Variants in ZBTB16 observed in about 807,000 individuals in gnomAD.
The protein encoded by ZBTB16 is zinc finger and BTB domain-containing protein 16.
In ZBTB16, 8 loss-of-function variants were observed where a neutral mutation model predicts 56.8. The observed-to-expected ratio is 0.14, with a 90% CI of 0.08 to 0.25. The LOEUF (loss-of-function observed/expected upper bound fraction) is 0.25. Ranked by LOEUF, ZBTB16 falls within the 10% of genes least tolerant of loss-of-function variation. ZBTB16 has a pLI of 1.00. For missense variants in ZBTB16, 625 were observed against 903.0 expected (o/e 0.69, Z 3.95); for synonymous variants, 363 against 368.5 (o/e 0.98, Z 0.17).
At chr11:114,154,073 A>T (rs1384358135) in intron 2 of ZBTB16, among the ~76,000 whole-genome samples, 1 of 152,184 alleles carries the variant, frequency 6.6e-6, no homozygotes, top group Non-Finnish European at 1.5e-5. Context: ...TCATACCTAG[A>T]GAAAAGGCAG....
At chr11:114,132,820 T>A (rs2134866354) in intron 2 of ZBTB16, among the ~76,000 whole-genome samples, 1 of 151,996 alleles carries the variant, frequency 6.6e-6, no homozygotes, top group Non-Finnish European at 1.5e-5. Flanking sequence ...CTAAATGGAG[T>A]TGTGGGTGTA....
At chr11:114,199,528 T>C (rs3782004) in intron 4 of ZBTB16, among the ~76,000 whole-genome samples, 28,926 of 151,836 alleles carry the variant, frequency 0.19, 2,765 homozygotes, top group East Asian at 0.22. Context: ...CAGATTACCA[T>C]TGGGGATGTG....
intron 4 of ZBTB16, among the ~76,000 whole-genome samples, chr11:114,240,536 C>T (rs1028381066): frequency 6.6e-6 from 1 of 151,170 alleles, no homozygotes; most frequent in Non-Finnish European, 1.5e-5. Flanking sequence ...CAGGGGACAG[C>T]GGTGTGGGGC....
At chr11:114,151,249 G>T (rs900856838) in intron 2 of ZBTB16, among the ~76,000 whole-genome samples, 1 of 152,132 alleles carries the variant, frequency 6.6e-6, no homozygotes, top group South Asian at 2.1e-4. Context: ...CAAAGCATTG[G>T]GGTGACTTTT....
chr11:114,124,570 A>AAAACAAAAAAAAAAAAC (rs1565638154), intron 2 of ZBTB16, among the ~76,000 whole-genome samples: 2 of 146,580 alleles, frequency 1.4e-5, no homozygotes, highest in Admixed American at 6.8e-5. Flanking sequence ...AAAAAAAAAA[A>AAAACAAAAAAAAAAAAC]AACAAAAACA....
intron 4 of ZBTB16, among the ~76,000 whole-genome samples, chr11:114,219,236 C>T (rs1041960440): frequency 6.6e-6 from 1 of 152,120 alleles, no homozygotes; most frequent in Non-Finnish European, 1.5e-5. Context: ...GTCAGAGTTC[C>T]CTTTTTTCAT....
intron 3 of ZBTB16, among the ~76,000 whole-genome samples, chr11:114,167,505 G>A (rs1158213505): frequency 6.7e-6 from 1 of 149,040 alleles, no homozygotes; most frequent in African/African-American, 2.5e-5. Flanking sequence ...CCTTTGATGT[G>A]GTAAATGGAA....
chr11:114,128,524 C>A (rs564934606), intron 2 of ZBTB16, among the ~76,000 whole-genome samples: 1 of 152,098 alleles, frequency 6.6e-6, no homozygotes, highest in Non-Finnish European at 1.5e-5. Flanking sequence ...TGCGAAATGG[C>A]GGGTAAAAAC....
At position 114,201,459 on chromosome 11, in the gene ZBTB16, G is replaced by GC. The variant is rs556187361; in HGVS notation, c.1453+14425dup. 2.7e-3 allele frequency among the ~76,000 whole-genome samples: 409 copies of GC among 152,294 alleles called. 9 individuals carry two copies. The highest frequency in any genetic ancestry group is 0.023 in the Admixed American group (353 of 15,300). ...TGGCAGTAGGGCCTGTTATCAGCAG[G>GC]CCCCTGAGACAGTGTGGCAAATGCT... is the stretch of plus-strand genomic sequence containing the variant. On this transcript the variant is annotated intron_variant, in intron 4 of 6. Coordinates refer to ENST00000335953, the MANE Select transcript of ZBTB16 (RefSeq NM_006006.6).
chr11:114,256,022 G>GTTTTTTTTTTTTTTTTTTTTTTTTTTTT lies in ZBTB16; in HGVS notation c.*5479_*5480insTTTTTTTTTTTTTTTTTTTTTTTTTTTT, dbSNP rs61107073. On this transcript the variant is annotated 3_prime_UTR_variant, in exon 7 of 7. Transcript: ENST00000335953. ...TTATTGAAGTACTTGGTTTTGTTTT[G>GTTTTTTTTTTTTTTTTTTTTTTTTTTTT]TTTTTTTTTTTTGTTTTTTTTGCCT... Among the ~76,000 whole-genome samples, 1 of 143,082 alleles carries GTTTTTTTTTTTTTTTTTTTTTTTTTTTT rather than the reference G, an allele frequency of 7.0e-6. No individual in the cohort carries two copies. The highest frequency in any genetic ancestry group is 1.5e-5 in the Non-Finnish European group (1 of 65,996). 93.9% of individuals were successfully genotyped at this position (143,082 alleles called of 152,430 possible).
intron 4 of ZBTB16, among the ~76,000 whole-genome samples, chr11:114,190,879 T>C (rs1430951532): frequency 6.6e-6 from 1 of 152,200 alleles, no homozygotes; most frequent in African/African-American, 2.4e-5. Flanking sequence ...AGAGGTTTAA[T>C]TGGCTCACAG....
chr11:114,192,122 A>T (rs1943509036), intron 4 of ZBTB16, among the ~76,000 whole-genome samples: 1 of 151,972 alleles, frequency 6.6e-6, no homozygotes, highest in South Asian at 2.1e-4. Context: ...TCATCTGAAG[A>T]CTCGACTGGG....
At chr11:114,101,316 TTTTGTTTG>T (rs141539134) in intron 2 of ZBTB16, among the ~76,000 whole-genome samples, 1 of 151,980 alleles carries the variant, frequency 6.6e-6, no homozygotes, top group Non-Finnish European at 1.5e-5. Context: ...TGTTTGGTGT[TTTTGTTTG>T]TTTGTTTGTT....
chr11:114,075,333 T>A (rs1939510866), intron 2 of ZBTB16, among the ~76,000 whole-genome samples: 1 of 152,062 alleles, frequency 6.6e-6, no homozygotes, highest in African/African-American at 2.4e-5. Context: ...GGTAGAGCAG[T>A]GTTGTTAAGT....
rs139006438 is a variant in ZBTB16, at chr11:114,173,732, A to G, written c.1367-13220A>G. Among the ~76,000 whole-genome samples the G allele has an allele frequency of 1.3e-3, 198 of 152,332 alleles. 3 individuals are homozygous for G. The East Asian group carries it at 0.03, about 23-fold the overall frequency. On this transcript the variant is annotated intron_variant, in intron 3 of 6. Transcript: ENST00000335953. ...GGATCTGCTCGACAAGCCTTGATTA[A>G]CTAGGATGCTCAGAGAAGATGTAAT...
At chr11:114,139,131 G>T (rs1941878363) in intron 2 of ZBTB16, among the ~76,000 whole-genome samples, 1 of 152,194 alleles carries the variant, frequency 6.6e-6, no homozygotes, top group Non-Finnish European at 1.5e-5. Context: ...TTTGTACAAT[G>T]CAAGTCTTGA....
chr11:114,061,643 G>C (rs946135485), intron 1 of ZBTB16: 5 of 152,284 alleles, frequency 3.3e-5, no homozygotes, highest in Non-Finnish European at 1.5e-5. Context: ...ATTGGTCGCT[G>C]TAAGACAGAC....
intron 2 of ZBTB16, among the ~76,000 whole-genome samples, chr11:114,131,546 A>G (rs933637513): frequency 1.3e-5 from 2 of 152,206 alleles, no homozygotes; most frequent in Non-Finnish European, 1.5e-5. Context: ...CTGTCCCCAG[A>G]TGGCCCTCCA....
At chr11:114,163,735 T>C (rs1565660806) in intron 3 of ZBTB16, among the ~76,000 whole-genome samples, 1 of 152,216 alleles carries the variant, frequency 6.6e-6, no homozygotes, top group East Asian at 1.9e-4. Context: ...TGTCTCCATA[T>C]GGTGCCTTAG....
Sources: gnomAD v4.1 joint callset for allele counts (sites outside exome capture counted in the v4.1 genomes callset) on GRCh38, gnomAD v4.1.1 for gene constraint, MANE v1.5 for transcripts, NCBI Gene and HGNC (gene_info 2026-07-23, HGNC 2026-07-21) for gene names.